The following SSH1 variants were observed in gnomAD, a reference collection of about 807,000 sequenced individuals.
SSH1 encodes protein phosphatase Slingshot homolog 1.
In SSH1, 43 loss-of-function variants were observed where a neutral mutation model predicts 79.7. That is an observed-to-expected ratio of 0.54 (90% CI 0.42 to 0.70). The LOEUF (loss-of-function observed/expected upper bound fraction) is 0.70, where lower values mean the gene tolerates loss of function less well. SSH1 is among the 30% of genes least tolerant of loss of function. The probability of loss-of-function intolerance (pLI) is 0.00; values close to 1 mark genes in which losing one functional copy is unlikely to be tolerated. For synonymous variants in SSH1, 599 were observed against 538.3 expected (o/e 1.11, Z -1.56); for missense variants, 1,206 against 1,358.8 (o/e 0.89, Z 1.77).
At chr12:108,790,236 T>G (rs2036447572) in intron 14 of SSH1, among the ~76,000 whole-genome samples, 1 of 151,842 alleles carries the variant, frequency 6.6e-6, no homozygotes, top group Non-Finnish European at 1.5e-5. Context: ...CTGCAACCTC[T>G]GCCTCCCAGG....
intron 3 of SSH1, among the ~76,000 whole-genome samples, chr12:108,821,019 T>C (rs2038097856): frequency 6.6e-6 from 1 of 152,230 alleles, no homozygotes; most frequent in African/African-American, 2.4e-5. Context: ...CTTTGTCATA[T>C]GTGTTACAAT....
At chr12:108,791,632 G>A (rs75883352) in intron 14 of SSH1, among the ~76,000 whole-genome samples, 2,318 of 152,246 alleles carry the variant, frequency 0.015, 70 homozygotes, top group African/African-American at 0.053. Context: ...GGTAGCATGC[G>A]CCTGTGGTCC....
At chr12:108,836,434 G>A (rs1396770391) in intron 2 of SSH1, among the ~76,000 whole-genome samples, 1 of 152,098 alleles carries the variant, frequency 6.6e-6, no homozygotes, top group Non-Finnish European at 1.5e-5. Flanking sequence ...GGTGGGTAGG[G>A]AGCATCTGTT....
At position 108,800,782 on chromosome 12, in the gene SSH1, C is replaced by T. The variant is rs151231456; in HGVS notation, c.1146G>A (p.Ala382=). The T allele has an allele frequency of 2.0e-5, 32 of 1,613,186 alleles. No homozygotes were observed. Among genetic ancestry groups the T allele is most frequent in the Non-Finnish European group, 2.4e-5 (28 of 1,179,718 alleles). ...WNEAYHFINK[A]KRNHSKCLVH... ...GCCCCGCCTCTCTGTCCACTTACTT[C>T]GCTTTGTTTATAAAATGATACGCTT... Residue 382 remains alanine, a splice_region_variant and synonymous_variant, in exon 12 of 15, where the codon GCG becomes GCA. Coordinates refer to ENST00000326495, the MANE Select transcript of SSH1 (RefSeq NM_018984.4).
At chr12:108,816,960 A>G (rs2037918015) in intron 5 of SSH1, 78 bp downstream of exon 5, 5 of 1,596,040 alleles carry the variant, frequency 3.1e-6, no homozygotes, top group South Asian at 2.2e-5. Context: ...TCTGATGGAT[A>G]TGGGACCATG....
At chr12:108,843,353 C>G (rs1173254082) in intron 2 of SSH1, among the ~76,000 whole-genome samples, 1 of 152,160 alleles carries the variant, frequency 6.6e-6, no homozygotes, top group Admixed American at 6.5e-5. Context: ...CTTACAAGAC[C>G]TCTAGGGCCT....
intron 2 of SSH1, among the ~76,000 whole-genome samples, chr12:108,846,593 G>C (rs2038904097): frequency 6.6e-6 from 1 of 152,266 alleles, no homozygotes; most frequent in Non-Finnish European, 1.5e-5. Flanking sequence ...TGCATGCTGG[G>C]TGTGAGATGA....
rs149850755 is a variant in SSH1, at chr12:108,829,068, C to T, written c.111-5707G>A. ...AAAAACTGGGGGTGATGACTCATTC[C>T]TGTAATCCCAGCACTTTGGGAGGCT... On this transcript the variant is annotated intron_variant, in intron 2 of 14. Transcript: ENST00000326495. 3.0e-4 allele frequency among the ~76,000 whole-genome samples: 45 copies of T among 152,318 alleles called. 2 individuals carry two copies. In the East Asian group the frequency reaches 8.7e-3, roughly 29 times the overall value.
chr12:108,805,604 A>C (rs1330075125), intron 9 of SSH1, among the ~76,000 whole-genome samples: 1 of 152,130 alleles, frequency 6.6e-6, no homozygotes, highest in Non-Finnish European at 1.5e-5. Context: ...CATGCCTGTA[A>C]TCCCGGCACT....
intron 14 of SSH1, among the ~76,000 whole-genome samples, chr12:108,790,632 AG>A (rs2036463829): frequency 6.6e-6 from 1 of 152,222 alleles, no homozygotes; most frequent in African/African-American, 2.4e-5. Context: ...TGTGGTAGGC[AG>A]GGAAGTGGGG....
At chr12:108,819,331 G>GA (rs1207376153) in intron 3 of SSH1, among the ~76,000 whole-genome samples, 3 of 152,340 alleles carry the variant, frequency 2.0e-5, no homozygotes, top group South Asian at 2.1e-4. Flanking sequence ...GTGCAGTGAG[G>GA]AAAGTCTCTT....
At chr12:108,852,931 C>T (rs575247438) in intron 1 of SSH1, 1 of 985,450 alleles carries the variant, frequency 1.0e-6, no homozygotes, top group African/African-American at 1.7e-5. Context: ...GTCCTGTTAG[C>T]TCAACATTTC....
chr12:108,827,092 T>C (rs1468268370), intron 2 of SSH1, among the ~76,000 whole-genome samples: 1 of 151,968 alleles, frequency 6.6e-6, no homozygotes, highest in East Asian at 1.9e-4. Context: ...CACTGATTAC[T>C]GCCATTCGGG....
chr12:108,794,413 G>A (rs1720131388), intron 13 of SSH1, among the ~76,000 whole-genome samples: 1 of 152,224 alleles, frequency 6.6e-6, no homozygotes, highest in Non-Finnish European at 1.5e-5. Context: ...TCTCCCTCCT[G>A]CCGCCCACTG....
intron 13 of SSH1, among the ~76,000 whole-genome samples, chr12:108,794,778 G>A (rs573978548): frequency 9.9e-5 from 15 of 151,992 alleles, no homozygotes; most frequent in Admixed American, 3.3e-4. Flanking sequence ...AATTCCTTGC[G>A]GTCCCCAAGA....
intron 14 of SSH1, among the ~76,000 whole-genome samples, chr12:108,791,098 G>C (rs956221755): frequency 6.6e-6 from 1 of 152,154 alleles, no homozygotes; most frequent in African/African-American, 2.4e-5. Context: ...GACAACGTTG[G>C]GAAATTACTA....
In SSH1 at chr12:108,805,146, C is replaced by T; in HGVS notation, c.864G>A (p.Leu288=). The change falls in exon 10 of 15, where the codon TTG becomes TTA. Residue 288 remains leucine, a synonymous_variant. Transcript: ENST00000326495. ...TGTCTATAAATTCCTTGAGTTCCTT[C>T]AAGTTACAATTCATCTGTTTCTCTA... is the stretch of plus-strand genomic sequence containing the variant. ...NELEKQMNCN[L]KELKEFIDNE... is the part of the protein sequence containing the mutation. 6.2e-7 allele frequency: 1 copy of T among 1,613,758 alleles called. No homozygotes were observed. The highest frequency in any genetic ancestry group is 8.5e-7 in the Non-Finnish European group (1 of 1,179,640).
chr12:108,831,117 C>T (rs771688178), intron 2 of SSH1, among the ~76,000 whole-genome samples: 11 of 151,562 alleles, frequency 7.3e-5, no homozygotes, highest in Non-Finnish European at 1.3e-4. Context: ...TGCTGTATCT[C>T]GAAAAAAAAG....
rs2038191013 is a variant in SSH1, at chr12:108,823,240, T to G, written c.214+18A>C. 6.4e-7 allele frequency: 1 copy of G among 1,561,122 alleles called. No homozygotes were observed. Among genetic ancestry groups the G allele is most frequent in the Non-Finnish European group, 8.7e-7 (1 of 1,150,160 alleles). On this transcript the variant is annotated intron_variant, in intron 3 of 14. Transcript: ENST00000326495. ...GAAAAGAAGCTCCAATGTAAGAGTA[T>G]CAACTTAGAGCCCTCACCTGCATGC...
Sources: allele counts gnomAD v4.1 joint callset (sites outside exome capture counted in the v4.1 genomes callset), GRCh38; gene constraint gnomAD v4.1.1; transcripts MANE v1.5; gene names NCBI Gene and HGNC (gene_info 2026-07-23, HGNC 2026-07-21).